CPNE8: variants seen among roughly 807,000 people sequenced by gnomAD.
CPNE8 encodes the protein copine-8.
In CPNE8, 45 loss-of-function variants were observed where a neutral mutation model predicts 81.5. That is an observed-to-expected ratio of 0.55 (90% CI 0.44 to 0.71). CPNE8 has a LOEUF of 0.71. Among genes scored for constraint, CPNE8 ranks in the 30% least tolerant of loss-of-function variants. The pLI is 0.00. For synonymous variants in CPNE8, 252 were observed against 226.3 expected, an observed-to-expected ratio of 1.11 and a Z score of -1.02; for missense variants, 594 against 672.1, an observed-to-expected ratio of 0.88 and a Z score of 1.28.
At chr12:38,876,488 C>T (rs868784793) in intron 1 of CPNE8, among the ~76,000 whole-genome samples, 2 of 152,250 alleles carry the variant, frequency 1.3e-5, no homozygotes, top group African/African-American at 2.4e-5. Flanking sequence ...GCTGGGATTA[C>T]AGGCATGAGC....
chr12:38,671,524 G>A (rs1939176096), intron 18 of CPNE8, among the ~76,000 whole-genome samples: 1 of 152,118 alleles, frequency 6.6e-6, no homozygotes. Flanking sequence ...ATTTTCTAGG[G>A]TTTATTAAGT....
chr12:38,828,302 A>G lies in CPNE8; in HGVS notation c.407+1077T>C, dbSNP rs146644910. ...AAGTGAGCATAAATATATTTTTGTA[A>G]TAAGCTTCCAAGTCCTATAATTATG... On this transcript the variant is annotated intron_variant, in intron 6 of 19. Coordinates refer to ENST00000331366, the MANE Select transcript of CPNE8 (RefSeq NM_153634.3). 1.1e-3 allele frequency among the ~76,000 whole-genome samples: 160 copies of G among 152,282 alleles called. 1 individual carries two copies. Among genetic ancestry groups the G allele is most frequent in the African/African-American group, 3.6e-3 (148 of 41,568 alleles).
chr12:38,802,884 C>T (rs889068385), intron 6 of CPNE8, among the ~76,000 whole-genome samples: 13 of 148,438 alleles, frequency 8.8e-5, no homozygotes, highest in South Asian at 2.2e-4. Flanking sequence ...AACACCTCTA[C>T]GCAAATAAAC....
At chr12:38,659,113 T>C (rs1010934949) in intron 19 of CPNE8, among the ~76,000 whole-genome samples, 1 of 150,940 alleles carries the variant, frequency 6.6e-6, no homozygotes, top group South Asian at 2.1e-4. Context: ...GCAAACTGGA[T>C]AGTCAAGACC....
intron 4 of CPNE8, among the ~76,000 whole-genome samples, chr12:38,841,672 A>C (rs1943469736): frequency 6.6e-6 from 1 of 152,204 alleles, no homozygotes; most frequent in African/African-American, 2.4e-5. Context: ...TTTGCTTTAA[A>C]GTGATTCAGC....
intron 10 of CPNE8, among the ~76,000 whole-genome samples, chr12:38,745,600 T>C (rs1941209307): frequency 6.6e-6 from 1 of 152,154 alleles, no homozygotes. Flanking sequence ...TGGAGTGCAG[T>C]GGTGTGATCA....
chr12:38,848,533 T>C, intron 4 of CPNE8, 26 bp downstream of exon 4: 2 of 1,551,696 alleles, frequency 1.3e-6, no homozygotes, highest in East Asian at 2.4e-5. Flanking sequence ...CAAATTTTTC[T>C]AAACGCAAGT....
intron 1 of CPNE8, among the ~76,000 whole-genome samples, chr12:38,884,038 T>C (rs1253804800): frequency 6.6e-6 from 1 of 152,176 alleles, no homozygotes; most frequent in African/African-American, 2.4e-5. Context: ...TATTCAGAGG[T>C]AAATGAAATA....
chr12:38,744,416 T>C (rs1941179187), intron 10 of CPNE8, among the ~76,000 whole-genome samples: 1 of 152,224 alleles, frequency 6.6e-6, no homozygotes, highest in Non-Finnish European at 1.5e-5. Flanking sequence ...GTCCATTATA[T>C]CGACCTCTAT....
At chr12:38,891,887 GT>G (rs1458481347) in intron 1 of CPNE8, among the ~76,000 whole-genome samples, 5 of 152,188 alleles carry the variant, frequency 3.3e-5, no homozygotes, top group African/African-American at 1.2e-4. Context: ...ACAAAGTCTG[GT>G]TTTGTAATAA....
chr12:38,906,708 C>A (rs546495528), upstream of CPNE8: 1 of 632,342 alleles, frequency 1.6e-6, no homozygotes, highest in East Asian at 1.4e-4. Flanking sequence ...ACGAGGCGCC[C>A]CTCCACTGCA....
intron 9 of CPNE8, among the ~76,000 whole-genome samples, chr12:38,761,903 G>T (rs1565602263): frequency 6.6e-6 from 1 of 152,118 alleles, no homozygotes; most frequent in Admixed American, 6.6e-5. Flanking sequence ...CATAGAAAAG[G>T]CTTAGGGCAA....
At chr12:38,660,613 A>T (rs886736974) in intron 19 of CPNE8, among the ~76,000 whole-genome samples, 1 of 152,202 alleles carries the variant, frequency 6.6e-6, no homozygotes, top group African/African-American at 2.4e-5. Flanking sequence ...AAAATTGACA[A>T]ATGGGATCTA....
At chr12:38,751,432 A>T (rs964738952) in intron 10 of CPNE8, among the ~76,000 whole-genome samples, 3 of 152,138 alleles carry the variant, frequency 2.0e-5, no homozygotes, top group Admixed American at 2.0e-4. Flanking sequence ...TTATTTTACT[A>T]TATATGTTGC....
intron 10 of CPNE8, among the ~76,000 whole-genome samples, chr12:38,736,429 T>C (rs1050162785): frequency 6.6e-6 from 1 of 151,882 alleles, no homozygotes; most frequent in Non-Finnish European, 1.5e-5. Flanking sequence ...GTAAAGCAAG[T>C]GCTATAAGCC....
intron 16 of CPNE8, among the ~76,000 whole-genome samples, chr12:38,684,599 T>C (rs1256057690): frequency 1.3e-5 from 2 of 152,084 alleles, no homozygotes; most frequent in East Asian, 3.9e-4. Flanking sequence ...TAGCATTTTG[T>C]CCGTGTCCCA....
intron 6 of CPNE8, among the ~76,000 whole-genome samples, chr12:38,810,584 T>C (rs1442413290): frequency 6.6e-6 from 1 of 152,092 alleles, no homozygotes; most frequent in Non-Finnish European, 1.5e-5. Context: ...TCCACCCACT[T>C]CTATGCAAGA....
chr12:38,673,156 T>C (rs1171982763), intron 18 of CPNE8, among the ~76,000 whole-genome samples: 1 of 152,158 alleles, frequency 6.6e-6, no homozygotes, highest in East Asian at 1.9e-4. Context: ...CCCTCTCACA[T>C]GCTCTCTCTC....
At chr12:38,722,643 G>T (rs1940594636) in intron 13 of CPNE8, among the ~76,000 whole-genome samples, 1 of 152,136 alleles carries the variant, frequency 6.6e-6, no homozygotes, top group Non-Finnish European at 1.5e-5. Flanking sequence ...ATTCAAATTT[G>T]CTTCACTCCA....
Sources: allele counts gnomAD v4.1 joint callset (sites outside exome capture counted in the v4.1 genomes callset), GRCh38; gene constraint gnomAD v4.1.1; transcripts MANE v1.5; gene names NCBI Gene and HGNC (gene_info 2026-07-23, HGNC 2026-07-21).